GDAP1: variants seen among roughly 807,000 people sequenced by gnomAD.
GDAP1 encodes the protein ganglioside induced differentiation associated protein 1.
A neutral mutation model predicts 40.1 loss-of-function variants in GDAP1; 34 were observed. The ratio of observed to expected loss-of-function variants is 0.85; its 90% CI spans 0.64 to 1.13. The LOEUF is 1.13. GDAP1 is among the 50% of genes most tolerant of loss of function. GDAP1 has a pLI of 0.00. For missense variants in GDAP1, 374 were observed against 433.7 expected (o/e 0.86, Z 1.22); for synonymous variants, 170 against 157.4 (o/e 1.08, Z -0.60).
chr8:74,472,569 T>C (rs770801108), intron 2 of GDAP1, among the ~76,000 whole-genome samples: 37 of 152,212 alleles, frequency 2.4e-4, no homozygotes, highest in Non-Finnish European at 3.7e-4. Flanking sequence ...GTATAAGTGT[T>C]CCCTTTTCTC....
chr8:74,360,341 T>C (rs1809305363), intron 3 of GDAP1, 31 bp downstream of exon 3: 11 of 1,557,334 alleles, frequency 7.1e-6, no homozygotes, highest in African/African-American at 1.4e-5. Context: ...CCTGGAATTC[T>C]GTCTGACACT....
chr8:74,476,915 A>G (rs185564064), intron 2 of GDAP1, among the ~76,000 whole-genome samples: 2 of 139,980 alleles, frequency 1.4e-5, no homozygotes, highest in Non-Finnish European at 3.3e-5. Flanking sequence ...TCTTTCAGGG[A>G]TACAAATGAG....
rs112859266 is a variant in GDAP1 at position 74,441,348 on chromosome 8, G to A, written c.166-47330G>A. 5.4e-3 allele frequency among the ~76,000 whole-genome samples: 817 copies of A among 152,198 alleles called. 6 individuals are homozygous for A. Among genetic ancestry groups the A allele is most frequent in the African/African-American group, 0.017 (708 of 41,548 alleles). On this transcript the variant is annotated intron_variant, in intron 2 of 2. Coordinates refer to the GDAP1 transcript ENST00000523640. Reference sequence around the variant, plus strand: ...CCCCCATGAGTTTCATTTAAAAAGGGTGTACCATGGACATCAAATGGATGA... The same window carrying A: ...CCCCCATGAGTTTCATTTAAAAAGGATGTACCATGGACATCAAATGGATGA...
In GDAP1 at chr8:74,361,885, C is replaced by G; in HGVS notation, c.486C>G (p.Ser162Arg). The G allele has an allele frequency of 6.4e-7, 1 of 1,565,736 alleles. No homozygotes were observed. The highest frequency in any genetic ancestry group is 8.8e-7 in the Non-Finnish European group (1 of 1,135,292). ...TTTCCAAAATGTTTTTATTATCAGG[C>G]CAAATTGGAAACACAGAGTCTGAGC... The part of the protein sequence containing the change: ...IPAYATTRIR[S>R]QIGNTESELK... Residue 162 changes from serine (S) to arginine (R), a missense_variant and splice_region_variant, in exon 4 of 6, where the codon AGC becomes AGG. By Grantham distance (110) the Ser-to-Arg change is moderately radical. Coordinates refer to ENST00000220822, the MANE Select transcript of GDAP1 (RefSeq NM_018972.4).
rs568067851 is a variant in GDAP1 at position 74,380,755 on chromosome 8, C to T, written c.165+29434C>T. On this transcript the variant is annotated intron_variant, in intron 2 of 2. Coordinates refer to the GDAP1 transcript ENST00000523640. ...CATCTTCAAGTTTAAGTCTGTGGAACGGACAATATTGCAGTTAAGGCCCAG... is the reference window on the plus strand; with the variant it reads ...CATCTTCAAGTTTAAGTCTGTGGAATGGACAATATTGCAGTTAAGGCCCAG... Among the ~76,000 whole-genome samples the T allele has an allele frequency of 1.3e-4, 20 of 152,162 alleles. No individual in the cohort carries two copies. In the East Asian group the frequency reaches 3.5e-3, roughly 26 times the overall value.
rs1463226224 is a variant in GDAP1 at position 74,453,283 on chromosome 8, TAAAA to T, written c.166-35392_166-35389del. On this transcript the variant is annotated intron_variant, in intron 2 of 2. Transcript: ENST00000523640. ...TATTGGATATTTTATTGGGAAATCT[TAAAA>T]AAGAATATTTTTAAATAGAAATTGA... 4.7e-5 allele frequency among the ~76,000 whole-genome samples: 4 copies of T among 84,544 alleles called. 2 individuals are homozygous for T. The highest frequency in any genetic ancestry group is 2.1e-4 in the African/African-American group (4 of 19,474). 55.5% of individuals were successfully genotyped at this position (84,544 alleles called of 152,430 possible). A position where few individuals can be genotyped will look rare whatever the true frequency, so the allele number is the denominator to read the frequency against.
intron 2 of GDAP1, among the ~76,000 whole-genome samples, chr8:74,481,063 A>C (rs1464442550): frequency 6.6e-6 from 1 of 152,192 alleles, no homozygotes; most frequent in Non-Finnish European, 1.5e-5. Context: ...AATCCTTATA[A>C]TTTTATAATA....
rs59331820 is a variant in GDAP1, at chr8:74,453,940, AACACACACAC to A, written c.166-34711_166-34702del. On this transcript the variant is annotated intron_variant, in intron 2 of 2. Coordinates refer to the GDAP1 transcript ENST00000523640. ...CTTTATTATCTACTATTCTGAAGAA[AACACACACAC>A]ACACACACACACACACACACACACA... Among the ~76,000 whole-genome samples the A allele has an allele frequency of 3.4e-5, 2 of 59,076 alleles. 1 individual carries two copies. Among genetic ancestry groups the A allele is most frequent in the Non-Finnish European group, 6.4e-5 (2 of 31,024 alleles). 38.8% of individuals were successfully genotyped at this position (59,076 alleles called of 152,430 possible). A position where few individuals can be genotyped will look rare whatever the true frequency, so the allele number is the denominator to read the frequency against.
At chr8:74,357,020 T>C (rs1363036742) in intron 2 of GDAP1, among the ~76,000 whole-genome samples, 1 of 152,144 alleles carries the variant, frequency 6.6e-6, no homozygotes, top group Non-Finnish European at 1.5e-5. Flanking sequence ...CAGCCTATTA[T>C]TGAATTTTTT....
At chr8:74,466,174 T>G (rs192676472) in intron 2 of GDAP1, among the ~76,000 whole-genome samples, 1 of 152,244 alleles carries the variant, frequency 6.6e-6, no homozygotes, top group East Asian at 1.9e-4. Context: ...CATAAAAAAA[T>G]GTAGTGTGAT....
intron 2 of GDAP1, among the ~76,000 whole-genome samples, chr8:74,472,921 T>C (rs1319236581): frequency 1.3e-5 from 2 of 152,000 alleles, no homozygotes; most frequent in Non-Finnish European, 2.9e-5. Flanking sequence ...CTAATTTTTG[T>C]ATTTTTTTTG....
chr8:74,422,286 T>C (rs1006690970), intron 2 of GDAP1, among the ~76,000 whole-genome samples: 1 of 17,492 alleles, frequency 5.7e-5, no homozygotes, highest in South Asian at 2.3e-3. Flanking sequence ...TCTTTTTTCT[T>C]TTCTTTCTTT....
At position 74,364,232 on chromosome 8, in the gene GDAP1, A is replaced by G. The variant is rs771751303; in HGVS notation, c.942A>G (p.Lys314=). The change falls in exon 6 of 6, where the codon AAA becomes AAG. Residue 314 remains lysine (K), a synonymous_variant. Coordinates refer to ENST00000220822, the MANE Select transcript of GDAP1 (RefSeq NM_018972.4). ...VLPTAFRVAK[K]RAPKVLGTTL... is the part of the protein sequence containing the mutation. ...CAACAGCATTCCGGGTGGCCAAGAA[A>G]AGGGCCCCAAAAGTTCTTGGCACGA... The G allele has an allele frequency of 1.2e-6, 2 of 1,614,226 alleles. No homozygotes were observed. Among genetic ancestry groups the G allele is most frequent in the Non-Finnish European group, 1.7e-6 (2 of 1,180,036 alleles).
At chr8:74,406,357 A>C (rs566765478) in intron 2 of GDAP1, among the ~76,000 whole-genome samples, 1 of 150,440 alleles carries the variant, frequency 6.6e-6, no homozygotes, top group South Asian at 2.1e-4. Flanking sequence ...TTGACTCAGC[A>C]ACACTGTTTG....
rs75733816 is a variant in GDAP1 at position 74,362,541 on chromosome 8, C to T, written c.580-398C>T. 6.4e-3 allele frequency among the ~76,000 whole-genome samples: 977 copies of T among 152,286 alleles called. 17 individuals carry two copies. The highest frequency in any genetic ancestry group is 0.022 in the African/African-American group (928 of 41,554). ...ACTCACAGTCACTTGACTGACTCTC[C>T]ACTCGCCGTTTAACTCCTTCACTCG... On this transcript the variant is annotated intron_variant, in intron 4 of 5. Coordinates refer to ENST00000220822, the MANE Select transcript of GDAP1 (RefSeq NM_018972.4).
intron 3 of GDAP1, among the ~76,000 whole-genome samples, chr8:74,360,526 T>G (rs1367188205): frequency 6.6e-6 from 1 of 152,194 alleles, no homozygotes; most frequent in East Asian, 1.9e-4. Context: ...AGGACCTGAT[T>G]TATCAGCTCT....
At chr8:74,385,886 G>C (rs1810018003) in intron 2 of GDAP1, among the ~76,000 whole-genome samples, 1 of 152,080 alleles carries the variant, frequency 6.6e-6, no homozygotes, top group Non-Finnish European at 1.5e-5. Context: ...CATTCTAATT[G>C]GTGTGAGATG....
rs1026947108 is a variant in GDAP1, at chr8:74,410,668, G to T, written c.165+59347G>T. On this transcript the variant is annotated intron_variant, in intron 2 of 2. Coordinates refer to the GDAP1 transcript ENST00000523640. Reference sequence around the variant, plus strand: ...TCCACTGACATCAAGTCAAAAGTAAGAGCAGGAGATGTGGAGACAAATCTT... The same window carrying T: ...TCCACTGACATCAAGTCAAAAGTAATAGCAGGAGATGTGGAGACAAATCTT... 3.3e-5 allele frequency among the ~76,000 whole-genome samples: 5 copies of T among 150,064 alleles called. 1 individual carries two copies. Among genetic ancestry groups the T allele is most frequent in the African/African-American group, 1.3e-4 (5 of 39,378 alleles).
chr8:74,378,415 C>A (rs1309673850), intron 2 of GDAP1, among the ~76,000 whole-genome samples: 1 of 152,170 alleles, frequency 6.6e-6, no homozygotes, highest in Non-Finnish European at 1.5e-5. Context: ...GTCCCACACA[C>A]AAGAGGTGGA....
Sources: gnomAD v4.1 joint callset for allele counts (sites outside exome capture counted in the v4.1 genomes callset) on GRCh38, gnomAD v4.1.1 for gene constraint, MANE v1.5 for transcripts, NCBI Gene and HGNC (gene_info 2026-07-23, HGNC 2026-07-21) for gene names.